The following TUBGCP2 variants were observed in gnomAD, a reference collection of about 807,000 sequenced individuals.
TUBGCP2 encodes the protein gamma-tubulin complex component 2.
A neutral mutation model predicts 92.2 loss-of-function variants in TUBGCP2; 55 were observed. The ratio of observed to expected loss-of-function variants is 0.60; its 90% CI spans 0.48 to 0.75. The LOEUF (loss-of-function observed/expected upper bound fraction) is 0.75, where lower values mean the gene tolerates loss of function less well. Among genes scored for constraint, TUBGCP2 ranks in the 30% least tolerant of loss-of-function variants. The probability of loss-of-function intolerance (pLI) is 0.00; values close to 1 mark genes in which losing one functional copy is unlikely to be tolerated. For synonymous variants in TUBGCP2, 533 were observed against 505.2 expected (o/e 1.06, Z -0.74); for missense variants, 1,093 against 1,188.9 (o/e 0.92, Z 1.19).
Position 133,292,469 on chromosome 10 carries a change from T to TCCGTGTCCC in TUBGCP2, c.1214+21_1214+29dup, listed in dbSNP as rs1454670908. ...ATGTCCCTCCGTGTCCCCGTGTCCC[T>TCCGTGTCCC]CCGTGTCCCCGTGTCCCGGGGAGCC... On this transcript the variant is annotated intron_variant, in intron 8 of 17. Transcript: ENST00000252936. 10 of 902,496 alleles carry TCCGTGTCCC rather than the reference T, an allele frequency of 1.1e-5. No individual in the cohort carries two copies. The East Asian group carries it at 5.7e-4, about 51-fold the overall frequency. 55.9% of individuals were successfully genotyped at this position (902,496 alleles called of 1,614,324 possible).
At position 133,300,102 on chromosome 10, in the gene TUBGCP2, T is replaced by C. The variant is rs1213578125; in HGVS notation, c.162A>G (p.Ala54=). The C allele has an allele frequency of 1.2e-6, 2 of 1,613,562 alleles. No homozygotes were observed. Among genetic ancestry groups the C allele is most frequent in the Non-Finnish European group, 1.7e-6 (2 of 1,179,784 alleles). Residue 54 remains alanine, a synonymous_variant, in exon 3 of 18, where the codon GCA becomes GCG. Coordinates refer to ENST00000252936, the MANE Select transcript of TUBGCP2 (RefSeq NM_006659.4). ...AGTCTTCTGGAGTACGAGAAAACTC[T>C]GCAATTTTAACCTCAAAAGCACAAA... The part of the protein sequence containing the change: ...VSAHSAKVKI[A]EFSRTPEDFL...
At chr10:133,290,708 GC>G (rs2136119591) in intron 8 of TUBGCP2, 1 of 151,982 alleles carries the variant, frequency 6.6e-6, no homozygotes, top group Non-Finnish European at 1.5e-5. Flanking sequence ...GGTGCGTGGG[GC>G]CCTGACACCC....
chr10:133,311,624 A>T, upstream of TUBGCP2: 1 of 1,119,360 alleles, frequency 8.9e-7, no homozygotes, highest in Non-Finnish European at 1.3e-6. Flanking sequence ...ACTTACAGGG[A>T]AATCCAGTTT....
At chr10:133,284,700 T>C (rs764877733) in intron 13 of TUBGCP2, among the ~76,000 whole-genome samples, 12 of 152,052 alleles carry the variant, frequency 7.9e-5, no homozygotes, top group Non-Finnish European at 1.8e-4. Flanking sequence ...ACCCCTTTTT[T>C]CAACACCCTA....
In TUBGCP2 at chr10:133,308,861, G is replaced by A. The variant is rs750962236; in HGVS notation, c.-78C>T. ...CCACAGCCCCCGCGCAGCCCCCGAC[G>A]GCGGCGGAAGTGAGCGTGACGTCAC... On this transcript the variant is annotated 5_prime_UTR_variant, in exon 1 of 18. Coordinates refer to ENST00000252936, the MANE Select transcript of TUBGCP2 (RefSeq NM_006659.4). The A allele has an allele frequency of 2.2e-5, 25 of 1,155,646 alleles. No individual in the cohort carries two copies. The highest frequency in any genetic ancestry group is 4.5e-5 in the Admixed American group (1 of 22,392). 71.6% of individuals were successfully genotyped at this position (1,155,646 alleles called of 1,614,324 possible). A position where few individuals can be genotyped will look rare whatever the true frequency, so the allele number is the denominator to read the frequency against.
At position 133,288,116 on chromosome 10, in the gene TUBGCP2, C is replaced by A; in HGVS notation, c.1722+13G>T. ...CTCTGCCACAGGGGACAGCCCCCGG[C>A]ACCCCCACCCACCTTGAGGTCGTCC... On this transcript the variant is annotated intron_variant, in intron 11 of 17. Transcript: ENST00000252936. The A allele has an allele frequency of 6.2e-7, 1 of 1,604,222 alleles. No homozygotes were observed. The highest frequency in any genetic ancestry group is 8.5e-7 in the Non-Finnish European group (1 of 1,173,374).
intron 13 of TUBGCP2, among the ~76,000 whole-genome samples, chr10:133,284,873 G>T (rs951205544): frequency 5.3e-5 from 8 of 152,228 alleles, no homozygotes; most frequent in Non-Finnish European, 1.2e-4. Flanking sequence ...CATCCCCTGT[G>T]GGGTGGACGG....
intron 6 of TUBGCP2, 100 bp downstream of exon 6, chr10:133,293,462 C>T (rs757087938): frequency 5.8e-5 from 81 of 1,393,266 alleles, no homozygotes; most frequent in Non-Finnish European, 7.3e-5. Context: ...GGCGGGCGCT[C>T]TCTTTAGAAG....
At position 133,279,279 on chromosome 10, in the gene TUBGCP2, CAGG is replaced by C; in HGVS notation, c.*484_*486del. Reference sequence around the variant, plus strand: ...AGGGTCGTGGAGGCGGGTGAGTCCTCAGGAGAAGGAACGGGGCTGCCTCTGGGG... The same window carrying C: ...AGGGTCGTGGAGGCGGGTGAGTCCTCAGAAGGAACGGGGCTGCCTCTGGGG... On this transcript the variant is annotated 3_prime_UTR_variant, in exon 18 of 18. Coordinates refer to ENST00000252936, the MANE Select transcript of TUBGCP2 (RefSeq NM_006659.4). 6.3e-6 allele frequency: 1 copy of C among 158,134 alleles called. No homozygotes were observed. Among genetic ancestry groups the C allele is most frequent in the Non-Finnish European group, 1.4e-5 (1 of 71,582 alleles). 9.8% of individuals were successfully genotyped at this position (158,134 alleles called of 1,614,324 possible).
At chr10:133,291,051 A>G in intron 8 of TUBGCP2, 2 of 211,408 alleles carry the variant, frequency 9.5e-6, no homozygotes, top group Non-Finnish European at 1.9e-5. Context: ...AAATCCAAGC[A>G]CCAAAGAGGT....
upstream of TUBGCP2, chr10:133,309,688 T>C (rs1210903651): frequency 1.7e-5 from 25 of 1,486,464 alleles, no homozygotes; most frequent in East Asian, 2.3e-5. Context: ...AGGGGCTTTA[T>C]TGGACGTCTC....
chr10:133,288,130 T>C lies in TUBGCP2; in HGVS notation c.1721A>G (p.Lys574Arg). The C allele has an allele frequency of 6.2e-7, 1 of 1,609,384 alleles. No homozygotes were observed. The highest frequency in any genetic ancestry group is 8.5e-7 in the Non-Finnish European group (1 of 1,176,874). The change falls in exon 11 of 18, where the codon AAG becomes AGG. Residue 574 changes from lysine to arginine, a missense_variant and splice_region_variant. Coordinates refer to ENST00000252936, the MANE Select transcript of TUBGCP2 (RefSeq NM_006659.4). ...ACAGCCCCCGGCACCCCCACCCACC[T>C]TGAGGTCGTCCTTGAAGGGGTCAGT... ...ANTDPFKDDL[K>R]IDLMPHDLIT...
At chr10:133,310,459 A>G, upstream of TUBGCP2, 2 of 838,644 alleles carry the variant, frequency 2.4e-6, no homozygotes, top group Non-Finnish European at 3.6e-6. Context: ...TGGTTGTGCC[A>G]GCGGCCACCC....
At position 133,289,819 on chromosome 10, in the gene TUBGCP2, C is replaced by CAAGGACCCCAGGTCCCTGCCTGCTGCGCT; in HGVS notation, c.1360+4_1360+5insAGCGCAGCAGGCAGGGACCTGGGGTCCTT. The CAAGGACCCCAGGTCCCTGCCTGCTGCGCT allele has an allele frequency of 1.2e-6, 2 of 1,612,724 alleles. No individual in the cohort carries two copies. Among genetic ancestry groups the CAAGGACCCCAGGTCCCTGCCTGCTGCGCT allele is most frequent in the Non-Finnish European group, 1.7e-6 (2 of 1,179,758 alleles). On this transcript the variant is annotated splice_donor_region_variant and intron_variant, in intron 9 of 17. Coordinates refer to ENST00000252936, the MANE Select transcript of TUBGCP2 (RefSeq NM_006659.4). ...CACCCCAAGTCCCCGCCCGCTGCGC[C>CAAGGACCCCAGGTCCCTGCCTGCTGCGCT]GCACCTGTGCTGAGGATCTTGTCCG...
rs1847120378 is a variant in TUBGCP2 at position 133,285,694 on chromosome 10, T to G, written c.1723-66A>C. 3 of 1,425,682 alleles carry G rather than the reference T, an allele frequency of 2.1e-6. No individual in the cohort carries two copies. In the South Asian group the frequency reaches 4.8e-5, roughly 23 times the overall value. 88.3% of individuals were successfully genotyped at this position (1,425,682 alleles called of 1,614,324 possible). ...GAAAAGACCCGAAGTCGCATCCCGA[T>G]CGCCATCCTCGCTCACAGACCCAGC... On this transcript the variant is annotated intron_variant, in intron 11 of 17. Coordinates refer to ENST00000252936, the MANE Select transcript of TUBGCP2 (RefSeq NM_006659.4). This position sits in a 1 kb window ranked among gnomAD's most constrained non-coding sequence, Gnocchi z 6.8.
rs759166539 is a variant in TUBGCP2 at position 133,279,832 on chromosome 10, G to GGT, written c.2641_2642dup (p.Gln883ProfsTer26). 2 of 1,596,396 alleles carry GGT rather than the reference G, an allele frequency of 1.3e-6. No homozygotes were observed. The highest frequency in any genetic ancestry group is 2.3e-5 in the South Asian group (2 of 88,658). ...GCCCCCGCAGGACAGGCACTTGGGG[G>GGT]GTGGCCTTCTGGCTCCTCTCTGCAG... is the stretch of plus-strand genomic sequence containing the variant. On this transcript the variant is annotated frameshift_variant, in exon 18 of 18. Transcript: ENST00000252936. LOFTEE classifies it low-confidence loss of function (END_TRUNC).
intron 2 of TUBGCP2, among the ~76,000 whole-genome samples, chr10:133,301,193 ATCTAGGC>A (rs1847645073): frequency 6.6e-6 from 1 of 152,076 alleles, no homozygotes; most frequent in African/African-American, 2.4e-5. Context: ...CAATGGCGTG[ATCTAGGC>A]TCACCGCAAC....
upstream of TUBGCP2, chr10:133,309,691 G>A: frequency 3.3e-6 from 5 of 1,498,024 alleles, no homozygotes; most frequent in Non-Finnish European, 4.6e-6. Context: ...GGCTTTATTG[G>A]ACGTCTCAAA....
At chr10:133,282,660 G>A (rs181925784) in intron 15 of TUBGCP2, among the ~76,000 whole-genome samples, 2 of 152,192 alleles carry the variant, frequency 1.3e-5, no homozygotes, top group Non-Finnish European at 2.9e-5. Flanking sequence ...GGCACTGCCT[G>A]GAGAGCCTCA....
Sources: gnomAD v4.1 joint callset for allele counts (sites outside exome capture counted in the v4.1 genomes callset) on GRCh38, gnomAD v4.1.1 for gene constraint, Gnocchi (gnomAD v3.1) non-coding constraint, MANE v1.5 for transcripts, NCBI Gene and HGNC (gene_info 2026-07-23, HGNC 2026-07-21) for gene names.